Variants in JPT2 observed in about 807,000 individuals in gnomAD.
The protein encoded by JPT2 is Jupiter microtubule associated homolog 2.
Under a neutral mutation model 15.9 loss-of-function variants are expected in JPT2, and 9 were observed. The ratio of observed to expected loss-of-function variants is 0.57; its 90% confidence interval spans 0.34 to 0.99. JPT2 has a LOEUF of 0.99. Ranked by LOEUF, JPT2 falls within the 50% of genes least tolerant of loss-of-function variation. The probability of loss-of-function intolerance (pLI) is 0.02; values close to 1 mark genes in which losing one functional copy is unlikely to be tolerated. For missense variants in JPT2, 267 were observed against 252.1 expected, an observed-to-expected ratio of 1.06 and a Z score of -0.40; for synonymous variants, 95 against 91.7, an observed-to-expected ratio of 1.04 and a Z score of -0.21.
In JPT2 at chr16:1,700,785, G is replaced by T. The variant is rs117987683; in HGVS notation, c.*1787G>T. On this transcript the variant is annotated 3_prime_UTR_variant, in exon 5 of 5. Coordinates refer to ENST00000248098, the MANE Select transcript of JPT2 (RefSeq NM_144570.3). ...TTTTTTTATTGAGAAAATGATTCAC[G>T]AATTCCAAATCAGATTGCCAGGAAG... 2,597 of 152,462 alleles carry T rather than the reference G, an allele frequency of 0.017. 50 individuals are homozygous for T. The highest frequency in any genetic ancestry group is 0.023 in the Non-Finnish European group (1,585 of 68,198). 9.4% of individuals were successfully genotyped at this position (152,462 alleles called of 1,614,324 possible).
intron 3 of JPT2, among the ~76,000 whole-genome samples, chr16:1,695,891 C>T (rs1419463675): frequency 6.6e-6 from 1 of 151,998 alleles, no homozygotes; most frequent in African/African-American, 2.4e-5. Flanking sequence ...ATAAATAGGT[C>T]TTCATTAAAG....
downstream of JPT2, chr16:1,702,326 C>T (rs181732204): frequency 3.2e-4 from 97 of 299,182 alleles, no homozygotes; most frequent in Admixed American, 1.5e-3. Context: ...GAGCGAGTTC[C>T]AAGAACCAGG....
rs2037166607 is a variant in JPT2, at chr16:1,699,443, T to G, written c.*445T>G. On this transcript the variant is annotated 3_prime_UTR_variant, in exon 5 of 5. Coordinates refer to ENST00000248098, the MANE Select transcript of JPT2 (RefSeq NM_144570.3). The stretch of plus-strand genomic sequence containing the variant: ...CCTCTTAGCAGAACCGCTTCCATTC[T>G]GGAGATCACGGCTGCTAAATCCAGC... 5.5e-6 allele frequency: 2 copies of G among 362,246 alleles called. No individual in the cohort carries two copies. Among genetic ancestry groups the G allele is most frequent in the African/African-American group, 4.2e-5 (2 of 47,292 alleles). 22.4% of individuals were successfully genotyped at this position (362,246 alleles called of 1,614,324 possible).
At chr16:1,702,381 G>A (rs1033182672), downstream of JPT2, 5 of 312,360 alleles carry the variant, frequency 1.6e-5, no homozygotes, top group Non-Finnish European at 3.3e-5. Context: ...CAGCTGCCAA[G>A]GCCACCAGCA....
intron 2 of JPT2, among the ~76,000 whole-genome samples, chr16:1,687,078 G>C (rs957337367): frequency 3.3e-5 from 5 of 152,228 alleles, no homozygotes; most frequent in Non-Finnish European, 5.9e-5. Context: ...GACTTCCCAG[G>C]CTCAGGTGAC....
Position 1,680,518 on chromosome 16 carries a change from C to T in JPT2, c.44+2162C>T, listed in dbSNP as rs1466816903. The T allele has an allele frequency of 4.1e-6, 5 of 1,231,964 alleles. No homozygotes were observed. The South Asian group carries it at 6.8e-5, about 17-fold the overall frequency. The allele number at this position is 1,231,964 out of a possible 1,614,324, so 76.3% of individuals were successfully genotyped here. The stretch of plus-strand genomic sequence containing the variant: ...GATGAGGTATCACTGGAAGCTTCTG[C>T]TTGGGGTCCACCAGACGCTGCACAT... On this transcript the variant is annotated intron_variant, in intron 1 of 4. Coordinates refer to ENST00000248098, the MANE Select transcript of JPT2 (RefSeq NM_144570.3).
chr16:1,682,221 CAA>C (rs1055974186), intron 1 of JPT2, among the ~76,000 whole-genome samples: 1 of 143,810 alleles, frequency 7.0e-6, no homozygotes, highest in Non-Finnish European at 1.5e-5. Flanking sequence ...ACTAAAAATA[CAA>C]AAAAATAGCC....
Position 1,678,350 on chromosome 16 carries a change from GCTC to G in JPT2, c.40_42del (p.Ser14del), listed in dbSNP as rs1047391783. On this transcript the variant is annotated inframe_deletion, in exon 1 of 5. Coordinates refer to ENST00000248098, the MANE Select transcript of JPT2 (RefSeq NM_144570.3). ...CCGGATAGCGAGGGCGGCCGCGCCGGCTCCAGGTGCGGCGCGGGGCACACGGGA... is the reference window on the plus strand; with the variant it reads ...CCGGATAGCGAGGGCGGCCGCGCCGGCAGGTGCGGCGCGGGGCACACGGGA... 3.1e-5 allele frequency: 38 copies of G among 1,232,814 alleles called. No homozygotes were observed. The highest frequency in any genetic ancestry group is 3.8e-5 in the Non-Finnish European group (37 of 986,318). 76.4% of individuals were successfully genotyped at this position (1,232,814 alleles called of 1,614,324 possible).
At position 1,699,019 on chromosome 16, in the gene JPT2, G is replaced by A. The variant is rs745415228; in HGVS notation, c.*21G>A. The A allele has an allele frequency of 2.0e-5, 33 of 1,610,208 alleles. No individual in the cohort carries two copies. Among genetic ancestry groups the A allele is most frequent in the Admixed American group, 5.0e-5 (3 of 59,986 alleles). On this transcript the variant is annotated 3_prime_UTR_variant, in exon 5 of 5. Coordinates refer to ENST00000248098, the MANE Select transcript of JPT2 (RefSeq NM_144570.3). ...ACTAAGAGAAGCCACTGCTCCACCCGGAGCCAGACCAGAAACTCAAGAGAT... is the reference window on the plus strand; with the variant it reads ...ACTAAGAGAAGCCACTGCTCCACCCAGAGCCAGACCAGAAACTCAAGAGAT...
chr16:1,685,642 A>G (rs1399107526), intron 2 of JPT2, 55 bp downstream of exon 2: 4 of 1,558,026 alleles, frequency 2.6e-6, no homozygotes, highest in African/African-American at 1.4e-5. Flanking sequence ...TCTTTTGAAA[A>G]TATTTTCTGT....
rs770190562 is a variant in JPT2, at chr16:1,701,043, G to C, written c.*2045G>C. On this transcript the variant is annotated 3_prime_UTR_variant, in exon 5 of 5. Transcript: ENST00000248098. ...CTGCCTTCTTTCCCTCTGCGAGGCAGTGGGGTGGGATTCAGAGTGCTTAGT... is the reference window on the plus strand; with the variant it reads ...CTGCCTTCTTTCCCTCTGCGAGGCACTGGGGTGGGATTCAGAGTGCTTAGT... The C allele has an allele frequency of 1.3e-5, 2 of 152,242 alleles. No homozygotes were observed. The highest frequency in any genetic ancestry group is 2.9e-5 in the Non-Finnish European group (2 of 68,052). The allele number at this position is 152,242 out of a possible 1,614,324, so 9.4% of individuals were successfully genotyped here. A position where few individuals can be genotyped will look rare whatever the true frequency, so the allele number is the denominator to read the frequency against.
At chr16:1,681,119 G>A (rs2037019282) in intron 1 of JPT2, among the ~76,000 whole-genome samples, 1 of 152,198 alleles carries the variant, frequency 6.6e-6, no homozygotes, top group South Asian at 2.1e-4. Flanking sequence ...GTGAGCTCTA[G>A]CGTTCCCCCT....
At chr16:1,683,350 G>A (rs12719794) in intron 1 of JPT2, among the ~76,000 whole-genome samples, 50,954 of 151,554 alleles carry the variant, frequency 0.34, 11,487 homozygotes, top group African/African-American at 0.63. Flanking sequence ...GGCTCAAACA[G>A]TCCTCCCACC....
In JPT2 at chr16:1,698,764, C is replaced by CCTCTA; in HGVS notation, c.386-47_386-46insCTCTA. ...ATTTCCACAGCCTGCCTGTCAGGGT[C>CCTCTA]ATGGGTTGCCTCTAATGGGATGTTG... On this transcript the variant is annotated intron_variant, in intron 4 of 4. Coordinates refer to ENST00000248098, the MANE Select transcript of JPT2 (RefSeq NM_144570.3). The surrounding 1 kb of genome is among the most constrained non-coding windows in gnomAD (Gnocchi z 4.9). 1 of 1,558,760 alleles carries CCTCTA rather than the reference C, an allele frequency of 6.4e-7. No homozygotes were observed. Among genetic ancestry groups the CCTCTA allele is most frequent in the East Asian group, 2.3e-5 (1 of 44,268 alleles).
rs2037174325 is a variant in JPT2 at position 1,700,596 on chromosome 16, A to G, written c.*1598A>G. 6.0e-6 allele frequency: 1 copy of G among 165,936 alleles called. No individual in the cohort carries two copies. Among genetic ancestry groups the G allele is most frequent in the Non-Finnish European group, 1.3e-5 (1 of 74,636 alleles). 10.3% of individuals were successfully genotyped at this position (165,936 alleles called of 1,614,324 possible). On this transcript the variant is annotated 3_prime_UTR_variant, in exon 5 of 5. Transcript: ENST00000248098. Reference sequence around the variant, plus strand: ...ACTGGGGTCTGCACAAGGCTTTGTCAACCAAAGACAGCTTCCCCCTTTTGA... The same window carrying G: ...ACTGGGGTCTGCACAAGGCTTTGTCGACCAAAGACAGCTTCCCCCTTTTGA...
intron 1 of JPT2, among the ~76,000 whole-genome samples, chr16:1,678,635 T>C (rs904578239): frequency 6.6e-6 from 1 of 151,868 alleles, no homozygotes; most frequent in African/African-American, 2.4e-5. Flanking sequence ...CAAAGCTGTG[T>C]GGAGGGCGGG....
intron 2 of JPT2, among the ~76,000 whole-genome samples, chr16:1,690,833 G>T (rs772329694): frequency 6.6e-6 from 1 of 152,208 alleles, no homozygotes; most frequent in Non-Finnish European, 1.5e-5. Context: ...AAATAGAGTT[G>T]ACATGTTTAT....
chr16:1,694,827 G>T (rs1596509318), intron 3 of JPT2, among the ~76,000 whole-genome samples: 1 of 152,116 alleles, frequency 6.6e-6, no homozygotes, highest in African/African-American at 2.4e-5. Context: ...ACACAAGAAT[G>T]AACTCAAAAT....
intron 1 of JPT2, chr16:1,683,429 C>G: frequency 2.5e-5 from 23 of 924,654 alleles, no homozygotes; most frequent in African/African-American, 2.0e-4. Context: ...CTCATTTAAG[C>G]TTGGTTATTG....
Sources: gnomAD v4.1 joint callset for allele counts (sites outside exome capture counted in the v4.1 genomes callset) on GRCh38, gnomAD v4.1.1 for gene constraint, Gnocchi (gnomAD v3.1) non-coding constraint, MANE v1.5 for transcripts, NCBI Gene and HGNC (gene_info 2026-07-23, HGNC 2026-07-21) for gene names.